The following VPS50 variants were observed in gnomAD, a reference collection of about 807,000 sequenced individuals.
VPS50 encodes VPS50 subunit of EARP/GARPII complex.
In VPS50, 70 loss-of-function variants were observed where a neutral mutation model predicts 139.7. That is an observed-to-expected ratio of 0.50 (90% CI 0.41 to 0.61). The LOEUF is 0.61. VPS50 is among the 20% of genes least tolerant of loss of function. The probability of loss-of-function intolerance (pLI) is 0.00; values close to 1 mark genes in which losing one functional copy is unlikely to be tolerated. For synonymous variants in VPS50, 365 were observed against 376.7 expected, an observed-to-expected ratio of 0.97 and a Z score of 0.36; for missense variants, 921 against 1,133.7, an observed-to-expected ratio of 0.81 and a Z score of 2.69.
chr7:93,262,978 A>G (rs2116855316), intron 9 of VPS50, among the ~76,000 whole-genome samples: 1 of 152,290 alleles, frequency 6.6e-6, no homozygotes, highest in Admixed American at 6.5e-5. Flanking sequence ...GATAAAAGAC[A>G]TTGTTATTCT....
chr7:93,247,683 A>G (rs1201419797), intron 2 of VPS50, among the ~76,000 whole-genome samples: 1 of 152,008 alleles, frequency 6.6e-6, no homozygotes, highest in Non-Finnish European at 1.5e-5. Context: ...GGGAAGAGCT[A>G]TATTTTACTC....
intron 27 of VPS50, among the ~76,000 whole-genome samples, chr7:93,356,631 T>G (rs1798714101): frequency 6.6e-6 from 1 of 152,206 alleles, no homozygotes; most frequent in East Asian, 1.9e-4. Flanking sequence ...TTTTCTTTTG[T>G]ATGACTATAT....
At chr7:93,260,101 T>C (rs893707785) in intron 9 of VPS50, among the ~76,000 whole-genome samples, 1 of 152,206 alleles carries the variant, frequency 6.6e-6, no homozygotes, top group African/African-American at 2.4e-5. Flanking sequence ...ATAATAATAA[T>C]GTTTGTAATA....
At chr7:93,269,859 A>G (rs1384602878) in intron 9 of VPS50, among the ~76,000 whole-genome samples, 4 of 152,050 alleles carry the variant, frequency 2.6e-5, no homozygotes, top group Non-Finnish European at 5.9e-5. Context: ...TCTGTTATAG[A>G]CACTGGATTA....
intron 12 of VPS50, among the ~76,000 whole-genome samples, chr7:93,281,754 CATTA>C (rs898035649): frequency 3.3e-5 from 5 of 151,964 alleles, no homozygotes; most frequent in African/African-American, 1.2e-4. Context: ...ACAACTAAAA[CATTA>C]ATTGTAGGAA....
At chr7:93,249,535 G>A (rs1389601599) in intron 2 of VPS50, among the ~76,000 whole-genome samples, 1 of 152,126 alleles carries the variant, frequency 6.6e-6, no homozygotes, top group Non-Finnish European at 1.5e-5. Context: ...CTCAATTGTT[G>A]CAGTCTATTT....
In VPS50 at chr7:93,252,636, A is replaced by AT. The variant is rs566871759; in HGVS notation, c.103-8dup. The AT allele has an allele frequency of 1.3e-3, 2,020 of 1,525,752 alleles. 1 individual carries two copies. The highest frequency in any genetic ancestry group is 1.5e-3 in the Middle Eastern group (9 of 5,870). 94.5% of individuals were successfully genotyped at this position (1,525,752 alleles called of 1,614,324 possible). A position where few individuals can be genotyped will look rare whatever the true frequency, so the allele number is the denominator to read the frequency against. On this transcript the variant is annotated splice_polypyrimidine_tract_variant and intron_variant, in intron 2 of 27. Transcript: ENST00000305866. ...AACAGCTACAATTACTATAATTGTG[A>AT]TTTTTTTTTCTTAAAGGAAGAATTC...
At chr7:93,297,359 G>T in intron 16 of VPS50, 116 bp downstream of exon 16, 1 of 1,138,884 alleles carries the variant, frequency 8.8e-7, no homozygotes, top group Non-Finnish European at 1.1e-6. Flanking sequence ...ATTTGAATGT[G>T]TTGTAGCTTT....
Position 93,355,882 on chromosome 7 carries a change from G to T in VPS50, c.2586-9G>T, listed in dbSNP as rs1443295877. On this transcript the variant is annotated splice_polypyrimidine_tract_variant and intron_variant, in intron 26 of 27. Coordinates refer to ENST00000305866, the MANE Select transcript of VPS50 (RefSeq NM_017667.4). ...ATAATGTATTTTTTTTTATTGTTTT[G>T]CATCTTAGATATGCCAATGTCAAGA... is the stretch of plus-strand genomic sequence containing the variant. 1.3e-5 allele frequency: 20 copies of T among 1,501,796 alleles called. No homozygotes were observed. The highest frequency in any genetic ancestry group is 1.3e-4 in the Admixed American group (7 of 52,804). The allele number at this position is 1,501,796 out of a possible 1,614,324, so 93.0% of individuals were successfully genotyped here. A position where few individuals can be genotyped will look rare whatever the true frequency, so the allele number is the denominator to read the frequency against.
intron 21 of VPS50, among the ~76,000 whole-genome samples, chr7:93,329,619 G>A (rs1340394081): frequency 2.0e-5 from 3 of 152,008 alleles, no homozygotes; most frequent in African/African-American, 7.2e-5. Flanking sequence ...ATGTACAGCA[G>A]AGTACCTATG....
At chr7:93,249,195 T>A (rs1562849396) in intron 2 of VPS50, among the ~76,000 whole-genome samples, 1 of 152,126 alleles carries the variant, frequency 6.6e-6, no homozygotes, top group Non-Finnish European at 1.5e-5. Flanking sequence ...TTTTACAGAT[T>A]CATCATGTTT....
rs777139674 is a variant in VPS50, at chr7:93,240,263, TCTCTCTC to T, written c.102+330_102+336del. On this transcript the variant is annotated intron_variant, in intron 2 of 27. Coordinates refer to ENST00000305866, the MANE Select transcript of VPS50 (RefSeq NM_017667.4). ...CACACACACACACTCTCTCTCTCTC[TCTCTCTC>T]ATTGATTTATCTGCTGTAATTTGTA... Among the ~76,000 whole-genome samples the T allele has an allele frequency of 1.1e-3, 159 of 150,002 alleles. 1 individual carries two copies. The highest frequency in any genetic ancestry group is 3.4e-3 in the African/African-American group (136 of 40,100).
At position 93,257,481 on chromosome 7, in the gene VPS50, TATTTTG is replaced by T. The variant is rs781705470; in HGVS notation, c.422+18_422+23del. 1 of 1,464,236 alleles carries T rather than the reference TATTTTG, an allele frequency of 6.8e-7. No individual in the cohort carries two copies. Among genetic ancestry groups the T allele is most frequent in the South Asian group, 1.2e-5 (1 of 83,936 alleles). The allele number at this position is 1,464,236 out of a possible 1,614,324, so 90.7% of individuals were successfully genotyped here. A position where few individuals can be genotyped will look rare whatever the true frequency, so the allele number is the denominator to read the frequency against. On this transcript the variant is annotated intron_variant, in intron 6 of 27. Coordinates refer to ENST00000305866, the MANE Select transcript of VPS50 (RefSeq NM_017667.4). ...TGGGAGAAGGTATTGCTTTTGATGA[TATTTTG>T]TTCTTTAAGCTGAACAATATTTCAA... is the stretch of plus-strand genomic sequence containing the variant.
chr7:93,252,893 A>C, intron 3 of VPS50, 118 bp downstream of exon 3: 1 of 678,512 alleles, frequency 1.5e-6, no homozygotes, highest in Non-Finnish European at 2.5e-6. Flanking sequence ...TAGGTCTGTG[A>C]TTACCACATT....
chr7:93,275,561 T>G (rs963213705), intron 11 of VPS50, among the ~76,000 whole-genome samples: 2 of 152,192 alleles, frequency 1.3e-5, no homozygotes, highest in African/African-American at 4.8e-5. Context: ...AAGGTTTATA[T>G]GTTGTTTTTT....
chr7:93,267,445 T>G (rs1238877890), intron 9 of VPS50, among the ~76,000 whole-genome samples: 1 of 152,212 alleles, frequency 6.6e-6, no homozygotes, highest in Non-Finnish European at 1.5e-5. Context: ...GCTAATGGAA[T>G]GATGGCAAAA....
At chr7:93,305,783 T>C in intron 17 of VPS50, 45 bp from the exon 18 acceptor site, 1 of 1,475,168 alleles carries the variant, frequency 6.8e-7, no homozygotes, top group Non-Finnish European at 9.5e-7. Context: ...TGTACTAGAA[T>C]TTTATTGTTG....
rs574277313 is a variant in VPS50 at position 93,291,851 on chromosome 7, T to C, written c.1075+16T>C. ...TCAGCTTCTGGTAGGAAAATATTTT[T>C]ATTTTATTTTAAAAATTGAACTATA... On this transcript the variant is annotated intron_variant, in intron 13 of 27. Coordinates refer to ENST00000305866, the MANE Select transcript of VPS50 (RefSeq NM_017667.4). 5.2e-6 allele frequency: 8 copies of C among 1,531,982 alleles called. No individual in the cohort carries two copies. The East Asian group carries it at 1.9e-4, about 36-fold the overall frequency. 94.9% of individuals were successfully genotyped at this position (1,531,982 alleles called of 1,614,324 possible). A position where few individuals can be genotyped will look rare whatever the true frequency, so the allele number is the denominator to read the frequency against.
intron 21 of VPS50, among the ~76,000 whole-genome samples, chr7:93,332,241 G>A (rs1248867335): frequency 1.3e-5 from 2 of 152,226 alleles, no homozygotes; most frequent in African/African-American, 4.8e-5. Context: ...CTGGCTAGCA[G>A]ATGGTTGCTT....
Sources: allele counts gnomAD v4.1 joint callset (sites outside exome capture counted in the v4.1 genomes callset), GRCh38; gene constraint gnomAD v4.1.1; transcripts MANE v1.5; gene names NCBI Gene and HGNC (gene_info 2026-07-23, HGNC 2026-07-21).